KCND2: variants seen among roughly 807,000 people sequenced by gnomAD.
KCND2 encodes the protein A-type voltage-gated potassium channel KCND2.
A neutral mutation model predicts 54.4 loss-of-function variants in KCND2; 16 were observed. That is an observed-to-expected ratio of 0.29 (90% CI 0.20 to 0.45). The LOEUF (loss-of-function observed/expected upper bound fraction) is 0.45. KCND2 is among the 20% of genes least tolerant of loss of function. The pLI is 1.00. For synonymous variants in KCND2, 317 were observed against 310.7 expected, an observed-to-expected ratio of 1.02 and a Z score of -0.21; for missense variants, 486 against 824.2, an observed-to-expected ratio of 0.59 and a Z score of 5.02.
rs534834960 is a variant in KCND2, at chr7:120,408,378, G to A, written c.1115+132631G>A. ...AAGAGATAATTCAGACATATATCTC[G>A]AGCCATGGAGCAAGATTTTATTATA... On this transcript the variant is annotated intron_variant, in intron 1 of 5. Transcript: ENST00000331113. 1.1e-3 allele frequency among the ~76,000 whole-genome samples: 170 copies of A among 151,804 alleles called. 4 individuals are homozygous for A. The South Asian group carries it at 0.023, about 20-fold the overall frequency.
chr7:120,741,490 A>G (rs748941098), intron 2 of KCND2, 44 bp from the exon 3 acceptor site: 1 of 1,328,164 alleles, frequency 7.5e-7, no homozygotes, highest in East Asian at 2.3e-5. Flanking sequence ...TTTTAAGGAA[A>G]CGATTTATAA....
intron 1 of KCND2, among the ~76,000 whole-genome samples, chr7:120,459,795 C>T (rs1160334460): frequency 1.3e-5 from 2 of 152,188 alleles, no homozygotes; most frequent in Admixed American, 1.3e-4. Context: ...CTAGTAATTT[C>T]AGTATCTAAT....
intron 1 of KCND2, among the ~76,000 whole-genome samples, chr7:120,313,173 G>T (rs2116317496): frequency 6.6e-6 from 1 of 152,138 alleles, no homozygotes; most frequent in African/African-American, 2.4e-5. Flanking sequence ...TCTTTATCTG[G>T]CTTGCCATAA....
rs574512327 is a variant in KCND2, at chr7:120,286,735, TGG to T, written c.1115+10990_1115+10991del. ...TTAGAAATCCAACATTTAGTGATTT[TGG>T]GTTACCAAATTATAAAAATCTTATG... is the stretch of plus-strand genomic sequence containing the variant. On this transcript the variant is annotated intron_variant, in intron 1 of 5. Coordinates refer to ENST00000331113, the MANE Select transcript of KCND2 (RefSeq NM_012281.3). 4.5e-3 allele frequency among the ~76,000 whole-genome samples: 685 copies of T among 152,160 alleles called. 3 individuals are homozygous for T. Among genetic ancestry groups the T allele is most frequent in the Middle Eastern group, 0.037 (11 of 294 alleles).
At chr7:120,332,046 C>G (rs1800077228) in intron 1 of KCND2, among the ~76,000 whole-genome samples, 1 of 152,008 alleles carries the variant, frequency 6.6e-6, no homozygotes, top group Non-Finnish European at 1.5e-5. Context: ...TTCCTCTTCC[C>G]TAGACTTTCG....
intron 1 of KCND2, among the ~76,000 whole-genome samples, chr7:120,692,559 A>C (rs1792282985): frequency 6.6e-6 from 1 of 152,210 alleles, no homozygotes; most frequent in South Asian, 2.1e-4. Flanking sequence ...TCCCAGGCAC[A>C]GTCCTTTAAT....
intron 1 of KCND2, among the ~76,000 whole-genome samples, chr7:120,642,921 A>G (rs1793396059): frequency 6.6e-6 from 1 of 152,242 alleles, no homozygotes. Context: ...TTTCCACAAC[A>G]TGTATCAGAA....
At chr7:120,426,325 A>AT (rs1801705432) in intron 1 of KCND2, among the ~76,000 whole-genome samples, 3 of 152,300 alleles carry the variant, frequency 2.0e-5, no homozygotes, top group Admixed American at 1.3e-4. Context: ...ATTCCCATCT[A>AT]TTAGAGATCA....
At chr7:120,482,449 A>G (rs1221824414) in intron 1 of KCND2, among the ~76,000 whole-genome samples, 2 of 152,212 alleles carry the variant, frequency 1.3e-5, no homozygotes, top group Non-Finnish European at 2.9e-5. Context: ...TGAGAAGGAC[A>G]TAAATATTGG....
chr7:120,480,683 T>C (rs1802594712), intron 1 of KCND2, among the ~76,000 whole-genome samples: 1 of 152,190 alleles, frequency 6.6e-6, no homozygotes, highest in South Asian at 2.1e-4. Context: ...CTTCCTGTTT[T>C]CCACCATGGG....
chr7:120,514,124 A>G (rs1803161464), intron 1 of KCND2, among the ~76,000 whole-genome samples: 1 of 152,068 alleles, frequency 6.6e-6, no homozygotes, highest in Non-Finnish European at 1.5e-5. Context: ...TCTATCACCT[A>G]CTAATGCTTA....
intron 1 of KCND2, among the ~76,000 whole-genome samples, chr7:120,612,992 T>C (rs888302283): frequency 3.9e-5 from 6 of 152,070 alleles, no homozygotes; most frequent in African/African-American, 7.2e-5. Context: ...TAGAATAGTA[T>C]GTGTATGAAT....
At chr7:120,685,768 A>G (rs996340100) in intron 1 of KCND2, among the ~76,000 whole-genome samples, 2 of 152,230 alleles carry the variant, frequency 1.3e-5, no homozygotes, top group African/African-American at 4.8e-5. Flanking sequence ...AAAATGAGGA[A>G]CATTCTGACA....
intron 1 of KCND2, among the ~76,000 whole-genome samples, chr7:120,536,104 A>G (rs1467717228): frequency 1.3e-5 from 2 of 152,196 alleles, no homozygotes; most frequent in East Asian, 3.8e-4. Flanking sequence ...CAACCACAAT[A>G]AAGTGAATAT....
At chr7:120,344,063 T>C (rs1280300291) in intron 1 of KCND2, among the ~76,000 whole-genome samples, 1 of 152,174 alleles carries the variant, frequency 6.6e-6, no homozygotes, top group East Asian at 1.9e-4. Flanking sequence ...TTCTCCTAAA[T>C]TATGAGGTTC....
intron 1 of KCND2, among the ~76,000 whole-genome samples, chr7:120,703,087 G>C (rs576027714): frequency 6.6e-6 from 1 of 152,246 alleles, no homozygotes; most frequent in East Asian, 1.9e-4. Flanking sequence ...GTCCTCAGTG[G>C]TCCCGTGCTT....
chr7:120,646,881 T>C (rs1407131041), intron 1 of KCND2, among the ~76,000 whole-genome samples: 2 of 152,200 alleles, frequency 1.3e-5, no homozygotes, highest in Non-Finnish European at 2.9e-5. Flanking sequence ...TCTCCCTTGG[T>C]TTTGTTTACT....
chr7:120,488,824 A>C (rs573627241), intron 1 of KCND2, among the ~76,000 whole-genome samples: 1 of 152,188 alleles, frequency 6.6e-6, no homozygotes, highest in African/African-American at 2.4e-5. Flanking sequence ...AAAAACCGAC[A>C]CATCAATTAT....
In KCND2 at chr7:120,639,472, T is replaced by C. The variant is rs927067165; in HGVS notation, c.1116-93431T>C. On this transcript the variant is annotated intron_variant, in intron 1 of 5. Transcript: ENST00000331113. ...CATTTTAAAATATGGTACTCCCAGT[T>C]CTAGCAGAGAGCAGTGCAACTCCAC... Among the ~76,000 whole-genome samples, 107 of 152,270 alleles carry C rather than the reference T, an allele frequency of 7.0e-4. 2 individuals are homozygous for C. The highest frequency in any genetic ancestry group is 2.4e-3 in the African/African-American group (100 of 41,556).
Sources: allele counts gnomAD v4.1 joint callset (sites outside exome capture counted in the v4.1 genomes callset), GRCh38; gene constraint gnomAD v4.1.1; transcripts MANE v1.5; gene names NCBI Gene and HGNC (gene_info 2026-07-23, HGNC 2026-07-21).